NOS1: variants seen among roughly 807,000 people sequenced by gnomAD.
The protein encoded by NOS1 is NOS type I.
In NOS1, 51 loss-of-function variants were observed where a neutral mutation model predicts 164.5. The ratio of observed to expected loss-of-function variants is 0.31; its 90% CI spans 0.25 to 0.39. The LOEUF (loss-of-function observed/expected upper bound fraction) is 0.39, where lower values mean the gene tolerates loss of function less well. NOS1 is among the 10% of genes least tolerant of loss of function. The pLI is 1.00. For missense variants in NOS1, 1,362 were observed against 1,885.6 expected, an observed-to-expected ratio of 0.72 and a Z score of 5.14; for synonymous variants, 719 against 745.8, an observed-to-expected ratio of 0.96 and a Z score of 0.59.
At chr12:117,321,532 C>T (rs1874922574) in intron 2 of NOS1, among the ~76,000 whole-genome samples, 1 of 152,092 alleles carries the variant, frequency 6.6e-6, no homozygotes, top group African/African-American at 2.4e-5. Flanking sequence ...ACCCACCTGG[C>T]AAGACGGCAG....
At chr12:117,275,154 A>C (rs900700692) in intron 9 of NOS1, among the ~76,000 whole-genome samples, 2 of 151,940 alleles carry the variant, frequency 1.3e-5, no homozygotes, top group African/African-American at 2.4e-5. Context: ...ATATACACAC[A>C]TATATATATA....
In NOS1 at chr12:117,243,532, TCCATCCATCTATCCAA is replaced by T; in HGVS notation, c.2824-113_2824-98del. The stretch of plus-strand genomic sequence containing the variant: ...TGGCATGTATCTCTTCATTCACCCA[TCCATCCATCTATCCAA>T]CCATCCATCCATCCATCCATCCATC... On this transcript the variant is annotated intron_variant, in intron 18 of 28. Coordinates refer to ENST00000317775, the MANE Select transcript of NOS1 (RefSeq NM_000620.5). The surrounding 1 kb of genome is among the most constrained non-coding windows in gnomAD (Gnocchi z 4.3). The T allele has an allele frequency of 2.2e-6, 3 of 1,339,308 alleles. No individual in the cohort carries two copies. The highest frequency in any genetic ancestry group is 3.1e-6 in the Non-Finnish European group (3 of 968,516). The allele number at this position is 1,339,308 out of a possible 1,614,324, so 83.0% of individuals were successfully genotyped here.
At chr12:117,314,794 A>T (rs910280242) in intron 2 of NOS1, among the ~76,000 whole-genome samples, 1 of 152,034 alleles carries the variant, frequency 6.6e-6, no homozygotes, top group African/African-American at 2.4e-5. Context: ...TTTAGTAGAG[A>T]TGGGGTTTCA....
At chr12:117,289,096 C>T (rs763404905) in intron 4 of NOS1, among the ~76,000 whole-genome samples, 1 of 152,148 alleles carries the variant, frequency 6.6e-6, no homozygotes, top group Non-Finnish European at 1.5e-5. Context: ...TTGCAGATAC[C>T]ATTCTTCCAA....
Position 117,263,827 on chromosome 12 carries a change from T to C in NOS1, c.2222+62A>G, listed in dbSNP as rs1218055359. The C allele has an allele frequency of 6.2e-6, 8 of 1,298,696 alleles. No individual in the cohort carries two copies. The African/African-American group carries it at 7.3e-5, about 12-fold the overall frequency. The allele number at this position is 1,298,696 out of a possible 1,614,324, so 80.4% of individuals were successfully genotyped here. On this transcript the variant is annotated intron_variant, in intron 13 of 28. Coordinates refer to ENST00000317775, the MANE Select transcript of NOS1 (RefSeq NM_000620.5). ...GGGCACAGGAGTCTGCCCAGCCTCC[T>C]TCTCTGGGTTCTCTGAGTTTGTGGG...
At chr12:117,298,048 C>T (rs1409267825) in intron 3 of NOS1, among the ~76,000 whole-genome samples, 2 of 152,000 alleles carry the variant, frequency 1.3e-5, no homozygotes, top group Non-Finnish European at 2.9e-5. Context: ...GATTCAAGGG[C>T]ATTACATTGA....
chr12:117,300,731 G>A (rs932982040), intron 3 of NOS1, among the ~76,000 whole-genome samples: 2 of 152,172 alleles, frequency 1.3e-5, no homozygotes, highest in Admixed American at 1.3e-4. Flanking sequence ...ACCAAGGCAA[G>A]GGATACCTGA....
At chr12:117,310,585 C>A (rs894040029) in intron 3 of NOS1, among the ~76,000 whole-genome samples, 1 of 152,134 alleles carries the variant, frequency 6.6e-6, no homozygotes, top group African/African-American at 2.4e-5. Flanking sequence ...GGGAGGAAAA[C>A]TATGTGACTA....
intron 3 of NOS1, among the ~76,000 whole-genome samples, chr12:117,296,532 G>T (rs543130645): frequency 3.3e-5 from 5 of 152,204 alleles, no homozygotes; most frequent in Non-Finnish European, 5.9e-5. Context: ...TCCTGCGCTT[G>T]AACATTGGAC....
rs546641110 is a variant in NOS1, at chr12:117,256,782, A to G, written c.2531+1615T>C. ...GGCTTTTCAAGGGTCATTAACAAAA[A>G]TTTTTTTGTCATGGTGCGGTGGCTC... On this transcript the variant is annotated intron_variant, in intron 16 of 28. Transcript: ENST00000317775. Among the ~76,000 whole-genome samples, 422 of 151,114 alleles carry G rather than the reference A, an allele frequency of 2.8e-3. 8 individuals carry two copies. The highest frequency in any genetic ancestry group is 9.6e-3 in the African/African-American group (395 of 41,238).
intron 2 of NOS1, among the ~76,000 whole-genome samples, chr12:117,314,119 G>A (rs1447509870): frequency 2.0e-5 from 3 of 152,208 alleles, no homozygotes; most frequent in Non-Finnish European, 4.4e-5. Flanking sequence ...GTTCCATGCT[G>A]TCCCTGTGGC....
In NOS1 at chr12:117,272,085, G is replaced by C. The variant is rs1041251644; in HGVS notation, c.1839+300C>G. On this transcript the variant is annotated intron_variant, in intron 10 of 28. Transcript: ENST00000317775. The surrounding 1 kb of genome is among the most constrained non-coding windows in gnomAD (Gnocchi z 4.3). ...CTGTGTGACCTTGAGCTTGTCATCT[G>C]TCGAAGGGGGATTCTCATACCTCAA... 2.6e-5 allele frequency among the ~76,000 whole-genome samples: 4 copies of C among 152,198 alleles called. No homozygotes were observed. Among genetic ancestry groups the C allele is most frequent in the Non-Finnish European group, 5.9e-5 (4 of 68,036 alleles).
intron 3 of NOS1, among the ~76,000 whole-genome samples, chr12:117,298,192 G>A (rs1394664886): frequency 6.6e-6 from 1 of 151,788 alleles, no homozygotes; most frequent in African/African-American, 2.4e-5. Flanking sequence ...GGGGAGATGG[G>A]AGACAGTGAC....
chr12:117,304,087 G>A lies in NOS1; in HGVS notation c.852+7379C>T, dbSNP rs558552626. Among the ~76,000 whole-genome samples, 29 of 152,210 alleles carry A rather than the reference G, an allele frequency of 1.9e-4. No individual in the cohort carries two copies. The South Asian group carries it at 5.6e-3, about 29-fold the overall frequency. Reference sequence around the variant, plus strand: ...CTGGGGAGGCTGAGGCAGGAGAATGGCGTGAACCTGGGAGGTGGAGCTTGC... The same window carrying A: ...CTGGGGAGGCTGAGGCAGGAGAATGACGTGAACCTGGGAGGTGGAGCTTGC... On this transcript the variant is annotated intron_variant, in intron 3 of 28. Coordinates refer to ENST00000317775, the MANE Select transcript of NOS1 (RefSeq NM_000620.5).
Position 117,243,548 on chromosome 12 carries a change from A to ACCAACCAT in NOS1, c.2824-114_2824-113insATGGTTGG, listed in dbSNP as rs1555250839. ...ATTCACCCATCCATCCATCTATCCA[A>ACCAACCAT]CCATCCATCCATCCATCCATCCATC... On this transcript the variant is annotated intron_variant, in intron 18 of 28. Transcript: ENST00000317775. This position sits in a 1 kb window ranked among gnomAD's most constrained non-coding sequence, Gnocchi z 4.3. 3.4e-6 allele frequency: 2 copies of ACCAACCAT among 587,850 alleles called. No individual in the cohort carries two copies. The highest frequency in any genetic ancestry group is 3.9e-5 in the African/African-American group (2 of 51,602). 36.4% of individuals were successfully genotyped at this position (587,850 alleles called of 1,614,324 possible).
chr12:117,247,139 T>C (rs1293952691), intron 18 of NOS1, among the ~76,000 whole-genome samples: 2 of 152,100 alleles, frequency 1.3e-5, no homozygotes, highest in South Asian at 2.1e-4. Context: ...TCCTTGCCCA[T>C]AATGTAGAAT....
At chr12:117,215,346 G>A (rs774409912) in intron 28 of NOS1, 22 bp from the exon 29 acceptor site, 1 of 1,523,534 alleles carries the variant, frequency 6.6e-7, no homozygotes, top group Non-Finnish European at 8.8e-7. Flanking sequence ...GAAGTTGGGG[G>A]GCAGTTAGTG....
intron 6 of NOS1, among the ~76,000 whole-genome samples, chr12:117,285,847 G>A (rs1408243299): frequency 6.6e-6 from 1 of 152,144 alleles, no homozygotes; most frequent in Admixed American, 6.5e-5. Flanking sequence ...GCGGTCAACT[G>A]AAAAGTATAA....
At chr12:117,220,775 G>C (rs931208606) in intron 26 of NOS1, among the ~76,000 whole-genome samples, 2 of 152,146 alleles carry the variant, frequency 1.3e-5, no homozygotes, top group Admixed American at 1.3e-4. Flanking sequence ...CTGCTGTAGC[G>C]ATAGCAGAAG....
Sources: gnomAD v4.1 joint callset for allele counts (sites outside exome capture counted in the v4.1 genomes callset) on GRCh38, gnomAD v4.1.1 for gene constraint, Gnocchi (gnomAD v3.1) non-coding constraint, MANE v1.5 for transcripts, NCBI Gene and HGNC (gene_info 2026-07-23, HGNC 2026-07-21) for gene names.